Variants in HIBADH observed in about 807,000 individuals in gnomAD.
HIBADH encodes the protein 3-hydroxyisobutyrate dehydrogenase, mitochondrial.
Under a neutral mutation model 36.1 loss-of-function variants are expected in HIBADH, and 25 were observed. The observed-to-expected ratio is 0.69, with a 90% CI of 0.50 to 0.97. The LOEUF (loss-of-function observed/expected upper bound fraction) is 0.97, where lower values mean the gene tolerates loss of function less well. Ranked by LOEUF, HIBADH falls within the 50% of genes least tolerant of loss-of-function variation. The pLI, the probability that HIBADH is intolerant of heterozygous loss-of-function variation, is 0.00. For synonymous variants in HIBADH, 160 were observed against 149.5 expected (o/e 1.07, Z -0.51); for missense variants, 421 against 418.0 (o/e 1.01, Z -0.06).
intron 4 of HIBADH, among the ~76,000 whole-genome samples, chr7:27,606,402 A>G (rs1785229461): frequency 6.6e-6 from 1 of 152,216 alleles, no homozygotes. Context: ...TGAGTAAATC[A>G]TTAGTAATCT....
At chr7:27,637,114 G>T (rs1223153771) in intron 2 of HIBADH, among the ~76,000 whole-genome samples, 2 of 152,202 alleles carry the variant, frequency 1.3e-5, no homozygotes, top group Admixed American at 1.3e-4. Context: ...AGCAGCAGCA[G>T]TAATAGTAGT....
chr7:27,598,709 C>A (rs1785071899), intron 4 of HIBADH, among the ~76,000 whole-genome samples: 1 of 152,040 alleles, frequency 6.6e-6, no homozygotes, highest in Admixed American at 6.5e-5. Context: ...CAAACACTTT[C>A]CCAAAAAAGG....
At chr7:27,596,068 C>G (rs1785027832) in intron 4 of HIBADH, among the ~76,000 whole-genome samples, 3 of 152,240 alleles carry the variant, frequency 2.0e-5, no homozygotes, top group Non-Finnish European at 4.4e-5. Flanking sequence ...ACATCTGACA[C>G]TGGGTAATTT....
chr7:27,637,693 T>A (rs192520616), intron 2 of HIBADH, among the ~76,000 whole-genome samples: 2 of 152,158 alleles, frequency 1.3e-5, no homozygotes, highest in Non-Finnish European at 2.9e-5. Flanking sequence ...GAAAACCCCA[T>A]AGTCTCAGCC....
At chr7:27,595,300 G>A (rs1433985668) in intron 4 of HIBADH, among the ~76,000 whole-genome samples, 3 of 152,078 alleles carry the variant, frequency 2.0e-5, no homozygotes, top group Non-Finnish European at 4.4e-5. Context: ...GCAGATTGCT[G>A]GAGGACAGGA....
intron 4 of HIBADH, among the ~76,000 whole-genome samples, chr7:27,552,235 T>C (rs1472454002): frequency 6.6e-6 from 1 of 152,204 alleles, no homozygotes; most frequent in African/African-American, 2.4e-5. Flanking sequence ...GATGTTCTCT[T>C]GGGTTTTGGT....
At chr7:27,635,982 A>C (rs1361768508) in intron 2 of HIBADH, among the ~76,000 whole-genome samples, 1 of 152,248 alleles carries the variant, frequency 6.6e-6, no homozygotes, top group Non-Finnish European at 1.5e-5. Context: ...GCCAGTATGC[A>C]TCAATGGTGG....
At chr7:27,541,498 T>C (rs1214581281) in intron 5 of HIBADH, among the ~76,000 whole-genome samples, 1 of 152,218 alleles carries the variant, frequency 6.6e-6, no homozygotes, top group East Asian at 1.9e-4. Context: ...CTGCAAAAAG[T>C]GCAAGCCTGC....
At chr7:27,549,062 G>C (rs190841570) in intron 4 of HIBADH, among the ~76,000 whole-genome samples, 1 of 152,174 alleles carries the variant, frequency 6.6e-6, no homozygotes, top group East Asian at 1.9e-4. Context: ...TTTATTAGAC[G>C]CTGAGTTCTG....
intron 4 of HIBADH, among the ~76,000 whole-genome samples, chr7:27,550,241 A>AT (rs1181517396): frequency 4.6e-5 from 7 of 151,710 alleles, no homozygotes; most frequent in Admixed American, 2.6e-4. Flanking sequence ...AGTTCCTCCC[A>AT]TTTTTTCTCC....
At position 27,526,182 on chromosome 7, in the gene HIBADH, T is replaced by C; in HGVS notation, c.*32A>G. ...AAGGAGGCTCCAAGACAGAGTTTGG[T>C]TCCCAACAGTGTCCGTGGCCAAAGG... On this transcript the variant is annotated 3_prime_UTR_variant, in exon 8 of 8. Transcript: ENST00000265395. The C allele has an allele frequency of 1.3e-6, 2 of 1,564,928 alleles. No homozygotes were observed. Among genetic ancestry groups the C allele is most frequent in the Non-Finnish European group, 1.7e-6 (2 of 1,157,644 alleles).
chr7:27,646,842 C>T (rs1462218871), intron 2 of HIBADH, among the ~76,000 whole-genome samples: 1 of 151,916 alleles, frequency 6.6e-6, no homozygotes, highest in Non-Finnish European at 1.5e-5. Flanking sequence ...ACCACAGACA[C>T]ACGCCACCGC....
At chr7:27,636,174 G>C (rs941977449) in intron 2 of HIBADH, among the ~76,000 whole-genome samples, 2 of 152,174 alleles carry the variant, frequency 1.3e-5, no homozygotes, top group Non-Finnish European at 2.9e-5. Context: ...ATGTTACCTA[G>C]TTGCTTTACA....
intron 4 of HIBADH, among the ~76,000 whole-genome samples, chr7:27,617,471 A>T (rs530523951): frequency 6.6e-6 from 1 of 152,196 alleles, no homozygotes; most frequent in African/African-American, 2.4e-5. Context: ...AAACTCAGTT[A>T]CCTGGTTGAA....
At chr7:27,611,051 A>T (rs1022259226) in intron 4 of HIBADH, among the ~76,000 whole-genome samples, 4 of 152,250 alleles carry the variant, frequency 2.6e-5, no homozygotes, top group Middle Eastern at 3.2e-3. Flanking sequence ...AGAATGCCTC[A>T]AACAAATTAC....
intron 4 of HIBADH, 127 bp downstream of exon 4, chr7:27,629,244 T>G (rs911426815): frequency 9.8e-6 from 9 of 921,962 alleles, no homozygotes; most frequent in Non-Finnish European, 1.4e-5. Flanking sequence ...AGTTTGGCTT[T>G]ATTTTTAATG....
intron 1 of HIBADH, among the ~76,000 whole-genome samples, chr7:27,650,162 T>C (rs1295809398): frequency 6.6e-6 from 1 of 151,860 alleles, no homozygotes; most frequent in Non-Finnish European, 1.5e-5. Context: ...CCCTTAATAA[T>C]GTGTATAAAA....
intron 4 of HIBADH, among the ~76,000 whole-genome samples, chr7:27,615,948 T>C (rs1785416742): frequency 6.6e-6 from 1 of 152,184 alleles, no homozygotes; most frequent in African/African-American, 2.4e-5. Flanking sequence ...ACAGTGTGTC[T>C]AAATGGACTA....
At chr7:27,646,765 G>A (rs1038053010) in intron 2 of HIBADH, among the ~76,000 whole-genome samples, 2 of 135,202 alleles carry the variant, frequency 1.5e-5, no homozygotes, top group African/African-American at 5.7e-5. Context: ...GTGCAATCTC[G>A]GCTTATTGCA....
Sources: gnomAD v4.1 joint callset for allele counts (sites outside exome capture counted in the v4.1 genomes callset) on GRCh38, gnomAD v4.1.1 for gene constraint, MANE v1.5 for transcripts, NCBI Gene and HGNC (gene_info 2026-07-23, HGNC 2026-07-21) for gene names.